Variants in VLDLR observed in about 807,000 individuals in gnomAD.
VLDLR encodes the protein very low density lipoprotein receptor.
A neutral mutation model predicts 112.7 loss-of-function variants in VLDLR; 81 were observed. The ratio of observed to expected loss-of-function variants is 0.72; its 90% CI spans 0.60 to 0.86. The LOEUF (loss-of-function observed/expected upper bound fraction) is 0.86. VLDLR is among the 40% of genes least tolerant of loss of function. VLDLR has a pLI of 0.00. For missense variants in VLDLR, 1,237 were observed against 1,099.4 expected, an observed-to-expected ratio of 1.13 and a Z score of -1.77; for synonymous variants, 436 against 384.8, an observed-to-expected ratio of 1.13 and a Z score of -1.56.
intron 16 of VLDLR, 142 bp from the exon 17 acceptor site, chr9:2,651,732 G>T (rs1818353775): frequency 3.1e-6 from 3 of 965,350 alleles, no homozygotes; most frequent in Admixed American, 2.0e-5. Context: ...ATACTTCTAA[G>T]CCAGAGTTGT....
chr9:2,645,124 G>C (rs1414415106), intron 9 of VLDLR, 42 bp downstream of exon 9: 2 of 1,613,566 alleles, frequency 1.2e-6, no homozygotes. Flanking sequence ...ACCTTTATGA[G>C]TAAGTGCCTC....
chr9:2,657,245 C>T lies in VLDLR; in HGVS notation c.*3377C>T, dbSNP rs567585404. 6.6e-6 allele frequency: 1 copy of T among 152,090 alleles called. No individual in the cohort carries two copies. The highest frequency in any genetic ancestry group is 1.5e-5 in the Non-Finnish European group (1 of 68,014). 9.4% of individuals were successfully genotyped at this position (152,090 alleles called of 1,614,324 possible). ...GAATTCTTACTAGTGAAATCTTACC[C>T]AAGTAAAACAATTTATTATTTTGAA... On this transcript the variant is annotated 3_prime_UTR_variant, in exon 19 of 19. Coordinates refer to ENST00000382100, the MANE Select transcript of VLDLR (RefSeq NM_003383.5).
At chr9:2,636,087 G>A (rs1419476791) in intron 2 of VLDLR, among the ~76,000 whole-genome samples, 5 of 152,094 alleles carry the variant, frequency 3.3e-5, no homozygotes, top group African/African-American at 1.2e-4. Context: ...CATTAGCAGG[G>A]CGGAAGACAT....
chr9:2,633,006 C>A (rs1817426251), intron 1 of VLDLR, among the ~76,000 whole-genome samples: 1 of 149,920 alleles, frequency 6.7e-6, no homozygotes, highest in African/African-American at 2.5e-5. Flanking sequence ...CACTGTACTC[C>A]TAATGCCTGT....
At chr9:2,622,884 C>T (rs943232187) in intron 1 of VLDLR, among the ~76,000 whole-genome samples, 1 of 152,152 alleles carries the variant, frequency 6.6e-6, no homozygotes, top group Non-Finnish European at 1.5e-5. Context: ...GCCGCCTCTC[C>T]GGCGTGCGGG....
rs1448801756 is a variant in VLDLR, at chr9:2,646,315, G to C, written c.1485-19G>C. ...ATTGTGTCAAACTCTTAAATTTCTTGTGACCTATTCTGTTTCAGTGCCTCA... is the reference window on the plus strand; with the variant it reads ...ATTGTGTCAAACTCTTAAATTTCTTCTGACCTATTCTGTTTCAGTGCCTCA... On this transcript the variant is annotated intron_variant, in intron 10 of 18. Transcript: ENST00000382100. 3 of 1,612,570 alleles carry C rather than the reference G, an allele frequency of 1.9e-6. No homozygotes were observed. Among genetic ancestry groups the C allele is most frequent in the Non-Finnish European group, 2.5e-6 (3 of 1,178,726 alleles).
In VLDLR at chr9:2,647,466, T is replaced by C; in HGVS notation, c.1704-8T>C. ...ACTGAGGCTTATTTCTCATTTAATTTTTCACAGCTTTGTTTACTGGTCAGA... is the reference window on the plus strand; with the variant it reads ...ACTGAGGCTTATTTCTCATTTAATTCTTCACAGCTTTGTTTACTGGTCAGA... On this transcript the variant is annotated splice_region_variant and splice_polypyrimidine_tract_variant and intron_variant, in intron 11 of 18. Coordinates refer to ENST00000382100, the MANE Select transcript of VLDLR (RefSeq NM_003383.5). 2 of 1,612,088 alleles carry C rather than the reference T, an allele frequency of 1.2e-6. No individual in the cohort carries two copies. The highest frequency in any genetic ancestry group is 8.5e-7 in the Non-Finnish European group (1 of 1,178,144).
chr9:2,636,420 A>C (rs1817601322), intron 2 of VLDLR, among the ~76,000 whole-genome samples: 1 of 152,240 alleles, frequency 6.6e-6, no homozygotes, highest in Non-Finnish European at 1.5e-5. Flanking sequence ...AGTAGAGTCT[A>C]AATGTAGGTT....
At chr9:2,631,056 T>G (rs1817329033) in intron 1 of VLDLR, among the ~76,000 whole-genome samples, 1 of 152,058 alleles carries the variant, frequency 6.6e-6, no homozygotes, top group African/African-American at 2.4e-5. Flanking sequence ...AACAGATACA[T>G]GAAAAAATCG....
At chr9:2,633,072 G>GTA (rs1253785252) in intron 1 of VLDLR, among the ~76,000 whole-genome samples, 1 of 149,792 alleles carries the variant, frequency 6.7e-6, no homozygotes, top group African/African-American at 2.5e-5. Flanking sequence ...GTGTGTGTGT[G>GTA]TGTGTGTGTG....
chr9:2,647,649 T>TTA lies in VLDLR; in HGVS notation c.1822+59_1822+60dup, dbSNP rs1586655702. 8.9e-6 allele frequency: 13 copies of TTA among 1,455,666 alleles called. No homozygotes were observed. The East Asian group carries it at 2.9e-4, about 33-fold the overall frequency. The allele number at this position is 1,455,666 out of a possible 1,614,324, so 90.2% of individuals were successfully genotyped here. A position where few individuals can be genotyped will look rare whatever the true frequency, so the allele number is the denominator to read the frequency against. ...TCAACTATCTTCATAGTGTTTCCATTTATCTCCATGGTGAATTCTGGACTA... is the reference window on the plus strand; with the variant it reads ...TCAACTATCTTCATAGTGTTTCCATTTATATCTCCATGGTGAATTCTGGACTA... On this transcript the variant is annotated intron_variant, in intron 12 of 18. Coordinates refer to ENST00000382100, the MANE Select transcript of VLDLR (RefSeq NM_003383.5).
intron 14 of VLDLR, 68 bp from the exon 15 acceptor site, chr9:2,650,302 T>C (rs757066814): frequency 6.0e-5 from 97 of 1,603,368 alleles, no homozygotes; most frequent in Non-Finnish European, 8.3e-5. Flanking sequence ...CTTCAACATG[T>C]AGAACAAGGC....
At chr9:2,648,961 AT>A (rs1263867160) in intron 14 of VLDLR, 151 bp downstream of exon 14, 25 of 993,012 alleles carry the variant, frequency 2.5e-5, no homozygotes, top group Non-Finnish European at 3.5e-5. Context: ...TTCACATGTT[AT>A]TTTTTTATTT....
chr9:2,638,060 T>C (rs1052163032), intron 2 of VLDLR, among the ~76,000 whole-genome samples: 2 of 152,240 alleles, frequency 1.3e-5, no homozygotes, highest in African/African-American at 4.8e-5. Flanking sequence ...GGTTGAATTA[T>C]AGCAACTAAC....
intron 1 of VLDLR, among the ~76,000 whole-genome samples, chr9:2,630,587 C>A (rs1484610854): frequency 2.0e-5 from 3 of 152,250 alleles, no homozygotes; most frequent in South Asian, 2.1e-4. Context: ...TGCTCGGAGC[C>A]CCATAGGGAG....
chr9:2,622,524 C>CG lies in VLDLR; in HGVS notation c.82+254dup, dbSNP rs542407131. ...TGAACTAGTCTTCTGCCCCTCACTC[C>CG]GCCTCCCCCAGAGCCGCTGCTTCGC... On this transcript the variant is annotated intron_variant, in intron 1 of 18. Transcript: ENST00000382100. 1.0e-3 allele frequency among the ~76,000 whole-genome samples: 154 copies of CG among 152,344 alleles called. 2 individuals are homozygous for CG. The highest frequency in any genetic ancestry group is 3.6e-3 in the African/African-American group (148 of 41,592).
intron 2 of VLDLR, among the ~76,000 whole-genome samples, chr9:2,639,570 T>C (rs1277356782): frequency 1.3e-5 from 2 of 152,196 alleles, no homozygotes; most frequent in African/African-American, 2.4e-5. Context: ...CTCAACATTA[T>C]AAAACAGGCA....
Position 2,648,200 on chromosome 9 carries a change from C to T in VLDLR, c.1823-8C>T. ...TTGTCATGTAATGACAATTCTTTTC[C>T]TACCTAGACCTTATAAAAAGTCGCC... On this transcript the variant is annotated splice_region_variant and splice_polypyrimidine_tract_variant and intron_variant, in intron 12 of 18. Coordinates refer to ENST00000382100, the MANE Select transcript of VLDLR (RefSeq NM_003383.5). 6.2e-7 allele frequency: 1 copy of T among 1,614,088 alleles called. No homozygotes were observed. The highest frequency in any genetic ancestry group is 8.5e-7 in the Non-Finnish European group (1 of 1,180,002).
At chr9:2,643,025 A>C (rs1817891891) in intron 4 of VLDLR, 135 bp from the exon 5 acceptor site, 2 of 1,317,410 alleles carry the variant, frequency 1.5e-6, no homozygotes, top group Admixed American at 1.9e-5. Flanking sequence ...TCTTGATTTA[A>C]CTCCATTGTA....
Sources: gnomAD v4.1 joint callset for allele counts (sites outside exome capture counted in the v4.1 genomes callset) on GRCh38, gnomAD v4.1.1 for gene constraint, MANE v1.5 for transcripts, NCBI Gene and HGNC (gene_info 2026-07-23, HGNC 2026-07-21) for gene names.